CDK5RAP2: variants seen among roughly 807,000 people sequenced by gnomAD.
The protein encoded by CDK5RAP2 is CDK5 regulatory subunit associated protein 2.
CDK5RAP2 carries 147 observed loss-of-function variants against 232.9 expected under a neutral mutation model. The observed-to-expected ratio is 0.63, with a 90% CI of 0.55 to 0.72. CDK5RAP2 has a LOEUF of 0.72. Among genes scored for constraint, CDK5RAP2 ranks in the 30% least tolerant of loss-of-function variants. CDK5RAP2 has a pLI of 0.00. For synonymous variants in CDK5RAP2, 833 were observed against 833.7 expected (o/e 1.00, Z 0.01); for missense variants, 2,195 against 2,231.5 (o/e 0.98, Z 0.33).
Position 120,409,130 on chromosome 9 carries a change from C to A in CDK5RAP2, c.4601G>T (p.Ser1534Ile). 1 of 1,611,480 alleles carries A rather than the reference C, an allele frequency of 6.2e-7. No homozygotes were observed. Among genetic ancestry groups the A allele is most frequent in the Non-Finnish European group, 8.5e-7 (1 of 1,179,940 alleles). The change falls in exon 30 of 38, where the codon AGC (serine) becomes ATC (isoleucine). Residue 1534 changes from serine (S) to isoleucine (I), a missense_variant. Transcript: ENST00000349780. ...ACCAGGGAAGCACAGCCACTACCTG[C>A]TCAGCTCCTGGCCGCTGCAGCGGAC... The part of the protein sequence containing the change: ...QEVRCSGQEL[S>I]RVQEEVKLRQ...
intron 20 of CDK5RAP2, 135 bp from the exon 21 acceptor site, chr9:120,454,008 C>T (rs373789342): frequency 1.5e-5 from 13 of 856,608 alleles, no homozygotes; most frequent in East Asian, 1.0e-4. Flanking sequence ...GTACCCACAA[C>T]GTGCCAGGGC....
intron 21 of CDK5RAP2, among the ~76,000 whole-genome samples, chr9:120,449,800 A>G (rs1368585859): frequency 6.6e-6 from 1 of 152,234 alleles, no homozygotes; most frequent in Admixed American, 6.5e-5. Context: ...AGGAAAATGT[A>G]AATCAAATCA....
intron 36 of CDK5RAP2, chr9:120,390,249 C>A (rs1406031569): frequency 6.1e-6 from 1 of 163,280 alleles, no homozygotes; most frequent in South Asian, 1.7e-4. Context: ...GGCAGACCCA[C>A]ATATGAGGGT....
At chr9:120,462,490 A>G (rs2037146540) in intron 18 of CDK5RAP2, among the ~76,000 whole-genome samples, 2 of 152,180 alleles carry the variant, frequency 1.3e-5, no homozygotes, top group Admixed American at 1.3e-4. Context: ...ATGAATGCCC[A>G]TATCACCTTT....
At chr9:120,558,335 T>C (rs1473071734) in intron 3 of CDK5RAP2, among the ~76,000 whole-genome samples, 3 of 108,218 alleles carry the variant, frequency 2.8e-5, no homozygotes, top group Non-Finnish European at 5.0e-5. Flanking sequence ...ATCACACCAC[T>C]GCACTCCAGC....
rs1040217866 is a variant in CDK5RAP2 at position 120,428,876 on chromosome 9, G to A, written c.3956-6135C>T. 5.9e-5 allele frequency among the ~76,000 whole-genome samples: 9 copies of A among 152,216 alleles called. No individual in the cohort carries two copies. The East Asian group carries it at 1.2e-3, about 20-fold the overall frequency. On this transcript the variant is annotated intron_variant, in intron 25 of 37. Coordinates refer to ENST00000349780, the MANE Select transcript of CDK5RAP2 (RefSeq NM_018249.6). ...ATCCTCAATAAAATACTGGCAAACC[G>A]AATCCAGCAGCACATCAAAAAGCTT...
intron 34 of CDK5RAP2, 56 bp from the exon 35 acceptor site, chr9:120,400,941 G>C (rs898399924): frequency 1.6e-5 from 25 of 1,601,226 alleles, no homozygotes; most frequent in Non-Finnish European, 2.1e-5. Context: ...TTTTAGACAA[G>C]CAAGCCTTAA....
chr9:120,417,898 G>A (rs755352389), intron 27 of CDK5RAP2, among the ~76,000 whole-genome samples: 7 of 152,132 alleles, frequency 4.6e-5, no homozygotes, highest in East Asian at 1.9e-4. Context: ...GATATCCCCT[G>A]CAGCATTGTT....
chr9:120,469,463 C>T (rs928955799), intron 17 of CDK5RAP2, among the ~76,000 whole-genome samples: 1 of 152,218 alleles, frequency 6.6e-6, no homozygotes, highest in Non-Finnish European at 1.5e-5. Context: ...CAGATAGAAA[C>T]TGAATCTTAG....
chr9:120,453,819 T>C lies in CDK5RAP2; in HGVS notation c.2430A>G (p.Thr810=). The C allele has an allele frequency of 1.2e-6, 2 of 1,614,250 alleles. No homozygotes were observed. Among genetic ancestry groups the C allele is most frequent in the African/African-American group, 2.7e-5 (2 of 75,070 alleles). ...RELLLGQLFL[T]EQEVSGEHLD... ...GGTGTTCTCCAGAAACTTCCTGCTC[T>C]GTCAAGAATAGTTGTCCCAGAAGCA... The change falls in exon 21 of 38, where the codon ACA becomes ACG. Residue 810 remains threonine, a synonymous_variant. Coordinates refer to ENST00000349780, the MANE Select transcript of CDK5RAP2 (RefSeq NM_018249.6).
intron 12 of CDK5RAP2, among the ~76,000 whole-genome samples, chr9:120,516,363 T>C (rs1330537494): frequency 2.1e-5 from 2 of 96,790 alleles, no homozygotes; most frequent in African/African-American, 8.4e-5. Flanking sequence ...CCGGGGACTG[T>C]TGTGGGGTGG....
intron 14 of CDK5RAP2, among the ~76,000 whole-genome samples, chr9:120,479,766 A>G (rs1286042348): frequency 6.6e-6 from 1 of 152,210 alleles, no homozygotes; most frequent in Non-Finnish European, 1.5e-5. Flanking sequence ...TATTAAATGC[A>G]AGGCATGATC....
Position 120,437,532 on chromosome 9 carries a change from TA to T in CDK5RAP2, c.3723-6del. 1.9e-6 allele frequency: 3 copies of T among 1,601,026 alleles called. No individual in the cohort carries two copies. The South Asian group carries it at 3.3e-5, about 18-fold the overall frequency. ...GACTGAACTAATGAATCGTATCTGA[TA>T]AAAGAGGGGAAAGAAAATACTTGGA... On this transcript the variant is annotated splice_polypyrimidine_tract_variant and splice_region_variant and intron_variant, in intron 24 of 37. Coordinates refer to ENST00000349780, the MANE Select transcript of CDK5RAP2 (RefSeq NM_018249.6).
intron 3 of CDK5RAP2, among the ~76,000 whole-genome samples, chr9:120,559,488 CAA>C (rs558274119): frequency 2.7e-4 from 13 of 48,902 alleles, no homozygotes; most frequent in Middle Eastern, 0.013. Context: ...GACTCTGTCT[CAA>C]AAAAAAAAAA....
In CDK5RAP2 at chr9:120,419,799, C is replaced by T. The variant is rs1459101078; in HGVS notation, c.4166G>A (p.Ser1389Asn). Residue 1389 changes from serine (S) to asparagine (N), a missense_variant, in exon 27 of 38, where the codon AGT (serine) becomes AAT (asparagine). Physicochemically the swap from Ser to Asn is conservative, Grantham distance 46. Coordinates refer to ENST00000349780, the MANE Select transcript of CDK5RAP2 (RefSeq NM_018249.6). ...ETEKTSVMVN[S>N]FSQDLLMEHI... ...GAGGCTTAGCTTACCTTGAGAAAAACTGTTCACCATAACTGAAGTCTTCTC... is the reference window on the plus strand; with the variant it reads ...GAGGCTTAGCTTACCTTGAGAAAAATTGTTCACCATAACTGAAGTCTTCTC... 6.2e-7 allele frequency: 1 copy of T among 1,613,630 alleles called. No individual in the cohort carries two copies. Among genetic ancestry groups the T allele is most frequent in the South Asian group, 1.1e-5 (1 of 91,068 alleles).
chr9:120,433,348 A>C (rs544777974), intron 25 of CDK5RAP2, among the ~76,000 whole-genome samples: 1 of 152,346 alleles, frequency 6.6e-6, no homozygotes, highest in Non-Finnish European at 1.5e-5. Context: ...CAGCAAGTAC[A>C]AATACTAATA....
intron 3 of CDK5RAP2, among the ~76,000 whole-genome samples, chr9:120,556,294 C>T (rs780198359): frequency 3.3e-5 from 5 of 152,058 alleles, no homozygotes; most frequent in Non-Finnish European, 7.3e-5. Flanking sequence ...TTTAAAATAA[C>T]TAAAATGAAA....
At position 120,403,621 on chromosome 9, in the gene CDK5RAP2, G is replaced by A. The variant is rs2033225161; in HGVS notation, c.5041+415C>T. Reference sequence around the variant, plus strand: ...TATTCATGATGAGTCTTGAGGAAACGGGACTTCTACCGGCAAAGAGTGGGA... The same window carrying A: ...TATTCATGATGAGTCTTGAGGAAACAGGACTTCTACCGGCAAAGAGTGGGA... On this transcript the variant is annotated intron_variant, in intron 33 of 37. Coordinates refer to ENST00000349780, the MANE Select transcript of CDK5RAP2 (RefSeq NM_018249.6). This position sits in a 1 kb window ranked among gnomAD's most constrained non-coding sequence, Gnocchi z 4.2. 3.3e-6 allele frequency: 1 copy of A among 301,310 alleles called. No homozygotes were observed. Among genetic ancestry groups the A allele is most frequent in the South Asian group, 3.5e-5 (1 of 28,914 alleles). The allele number at this position is 301,310 out of a possible 1,614,324, so 18.7% of individuals were successfully genotyped here.
At chr9:120,426,853 A>G (rs765037619) in intron 25 of CDK5RAP2, among the ~76,000 whole-genome samples, 5 of 152,208 alleles carry the variant, frequency 3.3e-5, no homozygotes, top group Non-Finnish European at 5.9e-5. Flanking sequence ...TCTTATTGCT[A>G]CAGAGTCTGT....
Sources: allele counts gnomAD v4.1 joint callset (sites outside exome capture counted in the v4.1 genomes callset), GRCh38; gene constraint gnomAD v4.1.1; non-coding constraint Gnocchi (gnomAD v3.1); transcripts MANE v1.5; gene names NCBI Gene and HGNC (gene_info 2026-07-23, HGNC 2026-07-21).